RSU1: variants seen among roughly 807,000 people sequenced by gnomAD.
The protein encoded by RSU1 is rsu-1.
Under a neutral mutation model 31.1 loss-of-function variants are expected in RSU1, and 26 were observed. The ratio of observed to expected loss-of-function variants is 0.84; its 90% CI spans 0.61 to 1.16. The LOEUF is 1.16. Ranked by LOEUF, RSU1 falls within the 50% of genes most tolerant of loss-of-function variation. The probability of loss-of-function intolerance (pLI) is 0.00; values close to 1 mark genes in which losing one functional copy is unlikely to be tolerated. For missense variants in RSU1, 320 were observed against 339.1 expected, an observed-to-expected ratio of 0.94 and a Z score of 0.44; for synonymous variants, 164 against 136.3, an observed-to-expected ratio of 1.20 and a Z score of -1.41.
At chr10:16,801,934 A>G (rs967981573) in intron 2 of RSU1, among the ~76,000 whole-genome samples, 8 of 152,136 alleles carry the variant, frequency 5.3e-5, no homozygotes, top group African/African-American at 1.9e-4. Flanking sequence ...AGACAGTTCT[A>G]TTAGGTTGGT....
At chr10:16,811,735 T>G (rs977628701) in intron 2 of RSU1, among the ~76,000 whole-genome samples, 16 of 152,232 alleles carry the variant, frequency 1.1e-4, no homozygotes, top group Admixed American at 3.3e-4. Context: ...AGCTGGAAAC[T>G]GCTTCCCTCT....
At chr10:16,774,974 T>G (rs1440090570) in intron 3 of RSU1, among the ~76,000 whole-genome samples, 1 of 151,554 alleles carries the variant, frequency 6.6e-6, no homozygotes, top group African/African-American at 2.4e-5. Context: ...AGCCCAGGAG[T>G]TTCAGGTTAC....
intron 7 of RSU1, among the ~76,000 whole-genome samples, chr10:16,736,496 G>A (rs1439958922): frequency 1.3e-5 from 2 of 152,064 alleles, no homozygotes; most frequent in East Asian, 3.8e-4. Context: ...TTAAAAACCA[G>A]CCCTGAAAGA....
At chr10:16,698,772 A>G (rs747699899) in intron 7 of RSU1, among the ~76,000 whole-genome samples, 6 of 152,228 alleles carry the variant, frequency 3.9e-5, no homozygotes, top group Admixed American at 6.5e-5. Flanking sequence ...GCTGATGTCT[A>G]CAAGTCAGAG....
intron 8 of RSU1, among the ~76,000 whole-genome samples, chr10:16,676,143 C>G (rs1205521625): frequency 6.6e-6 from 1 of 152,140 alleles, no homozygotes; most frequent in African/African-American, 2.4e-5. Flanking sequence ...AGACTGAAGC[C>G]CGACTACAAA....
At chr10:16,637,890 A>G (rs1834373501) in intron 8 of RSU1, among the ~76,000 whole-genome samples, 1 of 152,146 alleles carries the variant, frequency 6.6e-6, no homozygotes, top group South Asian at 2.1e-4. Context: ...GAACACAAAG[A>G]ACAGTACCCG....
At chr10:16,675,764 T>G (rs973765685) in intron 8 of RSU1, among the ~76,000 whole-genome samples, 5 of 152,200 alleles carry the variant, frequency 3.3e-5, no homozygotes, top group African/African-American at 4.8e-5. Context: ...TAGAAAGTAA[T>G]TTTTCTGCTT....
chr10:16,730,060 G>T (rs570558412), intron 7 of RSU1, among the ~76,000 whole-genome samples: 1 of 152,170 alleles, frequency 6.6e-6, no homozygotes, highest in Non-Finnish European at 1.5e-5. Context: ...GGAAGCTTCC[G>T]CTCAAGGCAG....
chr10:16,686,327 C>G (rs931206533), intron 8 of RSU1, among the ~76,000 whole-genome samples: 1 of 152,082 alleles, frequency 6.6e-6, no homozygotes, highest in African/African-American at 2.4e-5. Flanking sequence ...TTCATCTCAG[C>G]TGAATAGAAA....
intron 3 of RSU1, among the ~76,000 whole-genome samples, chr10:16,778,700 A>G (rs1177810032): frequency 1.3e-5 from 2 of 152,006 alleles, no homozygotes; most frequent in Non-Finnish European, 2.9e-5. Flanking sequence ...AGGAGGAGGG[A>G]GGAGGAGAGG....
At chr10:16,595,765 G>C (rs1833600322) in intron 8 of RSU1, among the ~76,000 whole-genome samples, 1 of 151,834 alleles carries the variant, frequency 6.6e-6, no homozygotes, top group African/African-American at 2.4e-5. Context: ...TCAAGAGATG[G>C]AGACCATCCT....
At chr10:16,641,925 A>G (rs1490346614) in intron 8 of RSU1, among the ~76,000 whole-genome samples, 1 of 152,220 alleles carries the variant, frequency 6.6e-6, no homozygotes, top group Non-Finnish European at 1.5e-5. Flanking sequence ...AACCTGGCCC[A>G]GGACCCTCTG....
At chr10:16,724,341 G>T (rs1836340251) in intron 7 of RSU1, among the ~76,000 whole-genome samples, 1 of 152,110 alleles carries the variant, frequency 6.6e-6, no homozygotes, top group Non-Finnish European at 1.5e-5. Context: ...ATAATAAAAT[G>T]GTTTCATAAA....
chr10:16,647,079 G>T (rs1395283071), intron 8 of RSU1, among the ~76,000 whole-genome samples: 5 of 152,010 alleles, frequency 3.3e-5, no homozygotes, highest in Non-Finnish European at 7.4e-5. Context: ...CCAGGTTCAA[G>T]CGATTCTCCT....
At position 16,646,008 on chromosome 10, in the gene RSU1, ATATACATATATGTG is replaced by A. The variant is rs1834557999; in HGVS notation, c.731+49001_731+49014del. On this transcript the variant is annotated intron_variant, in intron 8 of 8. Coordinates refer to ENST00000345264, the MANE Select transcript of RSU1 (RefSeq NM_012425.4). ...TACATATATGTGTATATATATGTGT[ATATACATATATGTG>A]TATATATATGTGTATATACATATAT... 2.0e-5 allele frequency among the ~76,000 whole-genome samples: 2 copies of A among 101,596 alleles called. 1 individual carries two copies. Among genetic ancestry groups the A allele is most frequent in the Non-Finnish European group, 3.6e-5 (2 of 54,976 alleles). 66.7% of individuals were successfully genotyped at this position (101,596 alleles called of 152,430 possible).
chr10:16,660,124 C>T (rs1382577735), intron 8 of RSU1, among the ~76,000 whole-genome samples: 1 of 152,160 alleles, frequency 6.6e-6, no homozygotes, highest in East Asian at 1.9e-4. Flanking sequence ...GTAATACTGT[C>T]TACTACGATA....
At chr10:16,753,959 C>G (rs1486474169) in intron 5 of RSU1, among the ~76,000 whole-genome samples, 1 of 152,096 alleles carries the variant, frequency 6.6e-6, no homozygotes, top group Non-Finnish European at 1.5e-5. Context: ...CAGGGTCTCT[C>G]TATGTTGCCC....
chr10:16,715,087 T>C (rs1836112640), intron 7 of RSU1, among the ~76,000 whole-genome samples: 2 of 152,244 alleles, frequency 1.3e-5, no homozygotes, highest in Non-Finnish European at 2.9e-5. Flanking sequence ...TCCATGGTGC[T>C]GTCCTGGCCT....
chr10:16,766,827 G>A (rs1390461012), intron 3 of RSU1, among the ~76,000 whole-genome samples: 4 of 151,066 alleles, frequency 2.6e-5, no homozygotes, highest in Non-Finnish European at 5.9e-5. Flanking sequence ...CAGCCTGGCC[G>A]ACGTGGTGAA....
Sources: gnomAD v4.1 joint callset for allele counts (sites outside exome capture counted in the v4.1 genomes callset) on GRCh38, gnomAD v4.1.1 for gene constraint, MANE v1.5 for transcripts, NCBI Gene and HGNC (gene_info 2026-07-23, HGNC 2026-07-21) for gene names.